Variants in RGS6 observed in about 807,000 individuals in gnomAD.
RGS6 encodes the protein regulator of G protein signaling 6.
A neutral mutation model predicts 78.5 loss-of-function variants in RGS6; 30 were observed. The observed-to-expected ratio is 0.38, with a 90% CI of 0.29 to 0.52. RGS6 has a LOEUF of 0.52. Ranked by LOEUF, RGS6 falls within the 20% of genes least tolerant of loss-of-function variation. The pLI is 0.85. For synonymous variants in RGS6, 206 were observed against 206.0 expected (o/e 1.00, Z 0.00); for missense variants, 495 against 609.7 (o/e 0.81, Z 1.98).
chr14:72,474,782 T>C (rs986291226), intron 10 of RGS6, 83 bp downstream of exon 10: 1 of 1,106,074 alleles, frequency 9.0e-7, no homozygotes, highest in Non-Finnish European at 1.3e-6. Context: ...AATTTGCTAC[T>C]TGTAATTCTA....
At chr14:72,223,476 T>C (rs781225225) in intron 2 of RGS6, among the ~76,000 whole-genome samples, 29 of 152,252 alleles carry the variant, frequency 1.9e-4, no homozygotes, top group Non-Finnish European at 3.2e-4. Flanking sequence ...ACAAATCTGT[T>C]GGTGTTCAAC....
chr14:72,308,625 A>G (rs1567717541), intron 2 of RGS6, among the ~76,000 whole-genome samples: 1 of 152,224 alleles, frequency 6.6e-6, no homozygotes, highest in Non-Finnish European at 1.5e-5. Context: ...AAATTTGTTC[A>G]AATATATTTG....
At chr14:72,045,707 G>GAA (rs112053072) in intron 2 of RGS6, among the ~76,000 whole-genome samples, 7 of 142,776 alleles carry the variant, frequency 4.9e-5, no homozygotes, top group African/African-American at 1.8e-4. Flanking sequence ...TTTTCTTAAA[G>GAA]AAAAAAAAAA....
intron 2 of RGS6, among the ~76,000 whole-genome samples, chr14:72,017,055 T>A (rs2087173832): frequency 6.6e-6 from 1 of 152,044 alleles, no homozygotes; most frequent in Admixed American, 6.5e-5. Context: ...ATTTGTTCCT[T>A]TTTTTGAGAT....
At chr14:72,243,410 G>C (rs1370286826) in intron 2 of RGS6, among the ~76,000 whole-genome samples, 7 of 151,926 alleles carry the variant, frequency 4.6e-5, no homozygotes, top group Non-Finnish European at 1.0e-4. Context: ...GGATAATACA[G>C]TGTGAGAGAC....
At chr14:72,076,286 C>T (rs1365584791) in intron 2 of RGS6, among the ~76,000 whole-genome samples, 1 of 152,160 alleles carries the variant, frequency 6.6e-6, no homozygotes, top group Non-Finnish European at 1.5e-5. Flanking sequence ...TCTTACTGAC[C>T]TTACAAGTTT....
chr14:71,935,047 C>G (rs746396390), intron 1 of RGS6, among the ~76,000 whole-genome samples: 1 of 152,084 alleles, frequency 6.6e-6, no homozygotes. Flanking sequence ...TGCATTTAAC[C>G]TCTTCATTTT....
rs111234043 is a variant in RGS6 at position 72,390,911 on chromosome 14, G to A, written c.184+38717G>A. 3.4e-3 allele frequency among the ~76,000 whole-genome samples: 520 copies of A among 152,302 alleles called. 1 individual carries two copies. The highest frequency in any genetic ancestry group is 0.012 in the African/African-American group (500 of 41,560). The stretch of plus-strand genomic sequence containing the variant: ...AGATGTAGTGACCTGACTCTCGTAA[G>A]TTTCTGGCTTCTTCCTTTTGGAGCC... On this transcript the variant is annotated intron_variant, in intron 3 of 17. Coordinates refer to ENST00000553525, the MANE Select transcript of RGS6 (RefSeq NM_001204424.2).
intron 2 of RGS6, among the ~76,000 whole-genome samples, chr14:71,967,003 A>C (rs966428407): frequency 2.0e-5 from 3 of 151,754 alleles, no homozygotes; most frequent in Non-Finnish European, 2.9e-5. Flanking sequence ...TGTTTGTATT[A>C]TGTTTACAGG....
At chr14:72,219,951 G>T (rs1337082671) in intron 2 of RGS6, among the ~76,000 whole-genome samples, 1 of 150,984 alleles carries the variant, frequency 6.6e-6, no homozygotes, top group Non-Finnish European at 1.5e-5. Flanking sequence ...ACCTCTCCAT[G>T]TTTGCAGATA....
chr14:72,021,464 C>CTT lies in RGS6; in HGVS notation c.84+56609_84+56610dup, dbSNP rs533727083. On this transcript the variant is annotated intron_variant, in intron 2 of 17. Transcript: ENST00000553525. ...TTTTTTTCTTTTTTCCTTTTTCTAACTTTTTTTTTTTTTTTTTTTTTGAGA... is the reference window on the plus strand; with the variant it reads ...TTTTTTTCTTTTTTCCTTTTTCTAACTTTTTTTTTTTTTTTTTTTTTTTGAGA... Among the ~76,000 whole-genome samples the CTT allele has an allele frequency of 7.9e-3, 967 of 122,388 alleles. 24 individuals carry two copies. The highest frequency in any genetic ancestry group is 0.02 in the African/African-American group (641 of 31,556). 80.3% of individuals were successfully genotyped at this position (122,388 alleles called of 152,430 possible). A position where few individuals can be genotyped will look rare whatever the true frequency, so the allele number is the denominator to read the frequency against.
chr14:72,142,503 GA>G (rs2096554395), intron 2 of RGS6, among the ~76,000 whole-genome samples: 1 of 152,194 alleles, frequency 6.6e-6, no homozygotes. Flanking sequence ...AAGGGGCCCT[GA>G]GATCATTTGC....
intron 2 of RGS6, among the ~76,000 whole-genome samples, chr14:71,987,130 T>A (rs2094748424): frequency 6.6e-6 from 1 of 152,222 alleles, no homozygotes; most frequent in African/African-American, 2.4e-5. Context: ...CTTATCACAC[T>A]GTCTTAGAAA....
At chr14:72,488,409 C>T (rs919602513) in intron 12 of RGS6, among the ~76,000 whole-genome samples, 1 of 152,148 alleles carries the variant, frequency 6.6e-6, no homozygotes, top group African/African-American at 2.4e-5. Flanking sequence ...GTTGGGTGGT[C>T]ACAAAAATCT....
At chr14:72,299,179 A>C (rs1315638301) in intron 2 of RGS6, among the ~76,000 whole-genome samples, 2 of 152,172 alleles carry the variant, frequency 1.3e-5, no homozygotes, top group Non-Finnish European at 2.9e-5. Context: ...TGATGTATAC[A>C]ATCCAGTGTT....
intron 2 of RGS6, among the ~76,000 whole-genome samples, chr14:72,184,835 G>A (rs1329037583): frequency 6.6e-6 from 1 of 152,258 alleles, no homozygotes; most frequent in East Asian, 1.9e-4. Context: ...TATTGTCTTA[G>A]TCAGGGTTCT....
intron 2 of RGS6, among the ~76,000 whole-genome samples, chr14:72,031,538 T>C (rs2090893409): frequency 6.6e-6 from 1 of 152,212 alleles, no homozygotes. Flanking sequence ...GTTTATTACA[T>C]GGATAATGTA....
At chr14:72,262,945 AGC>A (rs920084014) in intron 2 of RGS6, among the ~76,000 whole-genome samples, 4 of 152,104 alleles carry the variant, frequency 2.6e-5, no homozygotes, top group Admixed American at 2.6e-4. Flanking sequence ...TACCTGGGGC[AGC>A]TCCAGGCTGA....
intron 3 of RGS6, among the ~76,000 whole-genome samples, chr14:72,407,526 G>A (rs1014708585): frequency 6.6e-6 from 1 of 152,228 alleles, no homozygotes; most frequent in Non-Finnish European, 1.5e-5. Context: ...TAAGTACTCA[G>A]ATATTTGGTC....
Sources: gnomAD v4.1 joint callset for allele counts (sites outside exome capture counted in the v4.1 genomes callset) on GRCh38, gnomAD v4.1.1 for gene constraint, MANE v1.5 for transcripts, NCBI Gene and HGNC (gene_info 2026-07-23, HGNC 2026-07-21) for gene names.